Variants in SEPTIN11 observed in about 807,000 individuals in gnomAD.
The protein encoded by SEPTIN11 is septin-11.
A neutral mutation model predicts 51.4 loss-of-function variants in SEPTIN11; 25 were observed. The observed-to-expected ratio is 0.49, with a 90% CI of 0.35 to 0.68. SEPTIN11 has a LOEUF of 0.68. SEPTIN11 is among the 30% of genes least tolerant of loss of function. The probability of loss-of-function intolerance (pLI) is 0.00; values close to 1 mark genes in which losing one functional copy is unlikely to be tolerated. For synonymous variants in SEPTIN11, 174 were observed against 184.1 expected (o/e 0.95, Z 0.44); for missense variants, 381 against 520.8 (o/e 0.73, Z 2.61).
Position 77,036,926 on chromosome 4 carries a change from T to C in SEPTIN11, c.*2414T>C. On this transcript the variant is annotated 3_prime_UTR_variant, in exon 10 of 10. Transcript: ENST00000264893. ...GGGATGGATAGATTTTTTTTTTCTT[T>C]TCAAGGGGGGCAGGAAGGTAATGGT... The C allele has an allele frequency of 7.5e-7, 1 of 1,331,268 alleles. No homozygotes were observed. The highest frequency in any genetic ancestry group is 3.6e-5 in the Admixed American group (1 of 27,644). The allele number at this position is 1,331,268 out of a possible 1,614,324, so 82.5% of individuals were successfully genotyped here. A position where few individuals can be genotyped will look rare whatever the true frequency, so the allele number is the denominator to read the frequency against.
At chr4:76,988,105 C>T (rs1723141897) in intron 1 of SEPTIN11, among the ~76,000 whole-genome samples, 1 of 152,200 alleles carries the variant, frequency 6.6e-6, no homozygotes, top group African/African-American at 2.4e-5. Context: ...GTGAAACCTG[C>T]ACATCAGCTG....
Position 77,038,011 on chromosome 4 carries a change from T to C in SEPTIN11, c.*3499T>C. 1.0e-6 allele frequency: 1 copy of C among 985,872 alleles called. No homozygotes were observed. Among genetic ancestry groups the C allele is most frequent in the Non-Finnish European group, 1.2e-6 (1 of 829,948 alleles). 61.1% of individuals were successfully genotyped at this position (985,872 alleles called of 1,614,324 possible). On this transcript the variant is annotated 3_prime_UTR_variant, in exon 10 of 10. Transcript: ENST00000264893. ...CACATACAAACTATTGGGTGAGGTT[T>C]TTCAGCTGTTACCGACCCACGTCCT...
chr4:76,957,667 C>T (rs1462476693), intron 1 of SEPTIN11, among the ~76,000 whole-genome samples: 1 of 152,166 alleles, frequency 6.6e-6, no homozygotes, highest in African/African-American at 2.4e-5. Context: ...CTCCACCCCA[C>T]CCCAGTGGGA....
intron 5 of SEPTIN11, among the ~76,000 whole-genome samples, chr4:77,016,633 C>CATATATATATATATATATATACACATAT (rs1725293549): frequency 4.1e-5 from 3 of 72,744 alleles, no homozygotes; most frequent in African/African-American, 1.6e-4. Context: ...TATATATACA[C>CATATATATATATATATATATACACATAT]ATATATATAT....
At chr4:77,011,993 C>A in intron 4 of SEPTIN11, 72 bp downstream of exon 4, 1 of 1,356,154 alleles carries the variant, frequency 7.4e-7, no homozygotes, top group Non-Finnish European at 1.0e-6. Flanking sequence ...CTAATTTGTT[C>A]TCTGCTTTCA....
chr4:76,972,479 G>A (rs1341650028), intron 1 of SEPTIN11: 1 of 152,222 alleles, frequency 6.6e-6, no homozygotes, highest in African/African-American at 2.4e-5. Context: ...GCAACTCAAA[G>A]AAAGCAAACA....
chr4:77,027,379 T>G (rs752960916), intron 7 of SEPTIN11, among the ~76,000 whole-genome samples: 1 of 152,138 alleles, frequency 6.6e-6, no homozygotes, highest in Non-Finnish European at 1.5e-5. Flanking sequence ...CAGGTGATCC[T>G]CCTGCCTCGG....
rs1186064435 is a variant in SEPTIN11 at position 77,035,765 on chromosome 4, T to G, written c.*1253T>G. 1.0e-6 allele frequency: 1 copy of G among 985,780 alleles called. No homozygotes were observed. Among genetic ancestry groups the G allele is most frequent in the Non-Finnish European group, 1.2e-6 (1 of 829,946 alleles). 61.1% of individuals were successfully genotyped at this position (985,780 alleles called of 1,614,324 possible). On this transcript the variant is annotated 3_prime_UTR_variant, in exon 10 of 10. Coordinates refer to ENST00000264893, the MANE Select transcript of SEPTIN11 (RefSeq NM_018243.4). ...CATCAGGGATTAGAACTGGCCCATA[T>G]GCCAGAACCTGTACTAAATGCCTAA... is the stretch of plus-strand genomic sequence containing the variant.
chr4:76,999,003 C>T (rs1355387867), intron 2 of SEPTIN11, among the ~76,000 whole-genome samples: 1 of 152,168 alleles, frequency 6.6e-6, no homozygotes, highest in Non-Finnish European at 1.5e-5. Context: ...CAGATAAAAA[C>T]AGCTTTCTCA....
intron 6 of SEPTIN11, 56 bp from the exon 7 acceptor site, chr4:77,020,446 T>G: frequency 1.3e-6 from 2 of 1,572,376 alleles, no homozygotes; most frequent in Non-Finnish European, 1.7e-6. Flanking sequence ...TCACTGCAGA[T>G]ATTTCAGTGA....
In SEPTIN11 at chr4:77,036,311, T is replaced by G; in HGVS notation, c.*1799T>G. On this transcript the variant is annotated 3_prime_UTR_variant, in exon 10 of 10. Transcript: ENST00000264893. Reference sequence around the variant, plus strand: ...TAAATAATTCTAGTCTGGAGCTAACTGTGGAGCAGCCAAATAGTAGCTGGC... The same window carrying G: ...TAAATAATTCTAGTCTGGAGCTAACGGTGGAGCAGCCAAATAGTAGCTGGC... 1 of 1,029,152 alleles carries G rather than the reference T, an allele frequency of 9.7e-7. No individual in the cohort carries two copies. Among genetic ancestry groups the G allele is most frequent in the Non-Finnish European group, 1.2e-6 (1 of 857,346 alleles). The allele number at this position is 1,029,152 out of a possible 1,614,324, so 63.8% of individuals were successfully genotyped here. A position where few individuals can be genotyped will look rare whatever the true frequency, so the allele number is the denominator to read the frequency against.
chr4:76,981,394 G>A (rs1384372357), intron 1 of SEPTIN11, among the ~76,000 whole-genome samples: 1 of 152,172 alleles, frequency 6.6e-6, no homozygotes, highest in Non-Finnish European at 1.5e-5. Context: ...AAGAAAGCCA[G>A]CATATAAAAT....
At chr4:76,977,079 T>C (rs1485443375) in intron 1 of SEPTIN11, among the ~76,000 whole-genome samples, 2 of 152,136 alleles carry the variant, frequency 1.3e-5, no homozygotes, top group East Asian at 3.8e-4. Flanking sequence ...AAAGAAAGCA[T>C]TTTTGGTGGG....
chr4:76,962,447 A>G (rs568640212), intron 1 of SEPTIN11, among the ~76,000 whole-genome samples: 30 of 152,358 alleles, frequency 2.0e-4, no homozygotes, highest in South Asian at 4.1e-4. Flanking sequence ...AAACATTTCC[A>G]TATTCTAACA....
intron 9 of SEPTIN11, 120 bp downstream of exon 9, chr4:77,031,090 A>G (rs1726595757): frequency 6.5e-6 from 6 of 925,992 alleles, no homozygotes; most frequent in Non-Finnish European, 8.1e-6. Context: ...AAAAGCAAGT[A>G]TTTTCTCTAC....
At chr4:77,026,027 T>C (rs1726113416) in intron 7 of SEPTIN11, among the ~76,000 whole-genome samples, 1 of 152,210 alleles carries the variant, frequency 6.6e-6, no homozygotes, top group Non-Finnish European at 1.5e-5. Flanking sequence ...TTTTCCATCA[T>C]GATCCAGCAT....
At chr4:76,975,474 T>G (rs989503233) in intron 1 of SEPTIN11, among the ~76,000 whole-genome samples, 1 of 152,214 alleles carries the variant, frequency 6.6e-6, no homozygotes, top group Non-Finnish European at 1.5e-5. Flanking sequence ...ATAACAATAA[T>G]AAACTTATTA....
intron 7 of SEPTIN11, among the ~76,000 whole-genome samples, chr4:77,028,232 A>C (rs924397238): frequency 2.6e-5 from 4 of 152,212 alleles, no homozygotes; most frequent in Non-Finnish European, 5.9e-5. Flanking sequence ...CCGGTTACTT[A>C]GTATGGCCCA....
chr4:77,008,903 CTA>C (rs904544771), intron 3 of SEPTIN11, among the ~76,000 whole-genome samples: 15 of 152,060 alleles, frequency 9.9e-5, no homozygotes, highest in African/African-American at 2.9e-4. Context: ...TAGCAAAAGG[CTA>C]AGTTGGGATT....
Sources: gnomAD v4.1 joint callset for allele counts (sites outside exome capture counted in the v4.1 genomes callset) on GRCh38, gnomAD v4.1.1 for gene constraint, MANE v1.5 for transcripts, NCBI Gene and HGNC (gene_info 2026-07-23, HGNC 2026-07-21) for gene names.